Variants in UPF3B observed in about 807,000 individuals in gnomAD.
UPF3B encodes the protein regulator of nonsense transcripts 3B.
UPF3B carries 7 observed loss-of-function variants against 40.3 expected under a neutral mutation model. The ratio of observed to expected loss-of-function variants is 0.17; its 90% CI spans 0.10 to 0.33. The LOEUF (loss-of-function observed/expected upper bound fraction) is 0.33. UPF3B is among the 10% of genes least tolerant of loss of function. The probability of loss-of-function intolerance (pLI) is 1.00; values close to 1 mark genes in which losing one functional copy is unlikely to be tolerated. For missense variants in UPF3B, 229 were observed against 358.9 expected, an observed-to-expected ratio of 0.64 and a Z score of 2.93; for synonymous variants, 117 against 117.3, an observed-to-expected ratio of 1.00 and a Z score of 0.01.
chrX:119,839,244 G>T, intron 8 of UPF3B, among the ~76,000 whole-genome samples: 1 of 112,213 alleles, frequency 8.9e-6, no homozygotes. Flanking sequence ...TACTTGGAAT[G>T]ACAAATACCT....
Position 119,807,053 on chromosome X carries a change from A to AG in UPF3B, c.*11+421_*11+422insC, listed in dbSNP as rs1491467944. On this transcript the variant is annotated intron_variant, in intron 6 of 6. Coordinates refer to the UPF3B transcript ENST00000636792. ...AAAAAAAAAAAAAAAAAAAAAAAAG[A>AG]AAAAAAAAAAAGAAAATTCAACTCG... Among the ~76,000 whole-genome samples, 167 of 79,996 alleles carry AG rather than the reference A, an allele frequency of 2.1e-3. 2 individuals carry two copies. Among genetic ancestry groups the AG allele is most frequent in the African/African-American group, 0.011 (160 of 14,116 alleles). 69.5% of individuals were successfully genotyped at this position (79,996 alleles called of 115,157 possible).
At chrX:119,829,860 G>A (rs754896832), downstream of UPF3B, among the ~76,000 whole-genome samples, 2 of 111,548 alleles carry the variant, frequency 1.8e-5, no homozygotes, top group Non-Finnish European at 3.8e-5. Context: ...AACATGGTTT[G>A]TCTCTTTTAG....
chrX:119,813,573 T>G (rs1026765525), intron 5 of UPF3B, among the ~76,000 whole-genome samples: 6 of 106,822 alleles, frequency 5.6e-5, no homozygotes, highest in African/African-American at 1.7e-4. Context: ...TCTTTTTTTT[T>G]TTTTTTGAGA....
At chrX:119,827,316 C>A (rs750235277) in intron 3 of UPF3B, among the ~76,000 whole-genome samples, 1 of 110,862 alleles carries the variant, frequency 9.0e-6, no homozygotes, top group Admixed American at 9.7e-5. Flanking sequence ...CTAGGTGCTG[C>A]GAGCAAGAGA....
chrX:119,806,793 C>T (rs933092052), intron 6 of UPF3B, among the ~76,000 whole-genome samples: 3 of 109,803 alleles, frequency 2.7e-5, no homozygotes, highest in South Asian at 3.9e-4. Flanking sequence ...TTTGGAAGGC[C>T]GAAGCGGGGG....
At chrX:119,834,003 G>A (rs2056064269), downstream of UPF3B, 2 of 751,308 alleles carry the variant, frequency 2.7e-6, no homozygotes, top group South Asian at 6.8e-5. Flanking sequence ...ATTTAGTAAA[G>A]TTAATAAACA....
chrX:119,850,297 A>G (rs900704741), intron 3 of UPF3B, among the ~76,000 whole-genome samples: 15 of 111,874 alleles, frequency 1.3e-4, no homozygotes, highest in Non-Finnish European at 2.1e-4. Context: ...ATCTCAAAAG[A>G]TAAACAATAA....
chrX:119,831,466 C>G (rs758265454), downstream of UPF3B, among the ~76,000 whole-genome samples: 1 of 110,998 alleles, frequency 9.0e-6, no homozygotes, highest in Non-Finnish European at 1.9e-5. Flanking sequence ...CTACAGGCAC[C>G]TGCCCCGACA....
chrX:119,838,116 T>C (rs1603370115), intron 9 of UPF3B, 65 bp from the exon 10 acceptor site: 1 of 1,177,623 alleles, frequency 8.5e-7, no homozygotes, highest in East Asian at 3.0e-5. Context: ...GCAGGAACAC[T>C]GTGATTCTGA....
intron 4 of UPF3B, among the ~76,000 whole-genome samples, chrX:119,816,377 G>C (rs1603365816): frequency 9.0e-6 from 1 of 111,575 alleles, no homozygotes; most frequent in Non-Finnish European, 1.9e-5. Context: ...ATCATGATCT[G>C]ATTATTGCTA....
intron 7 of UPF3B, 127 bp downstream of exon 7, chrX:119,840,948 CT>C: frequency 2.7e-6 from 2 of 739,682 alleles, no homozygotes; most frequent in Non-Finnish European, 4.0e-6. Context: ...TATTGGATCA[CT>C]TCCCCCCAAA....
At chrX:119,822,693 C>T (rs963873063) in intron 4 of UPF3B, among the ~76,000 whole-genome samples, 11 of 110,990 alleles carry the variant, frequency 9.9e-5, no homozygotes, top group African/African-American at 3.3e-4. Context: ...CTGCAACCTC[C>T]ACCTCCTGAG....
At chrX:119,851,704 T>C in intron 2 of UPF3B, 63 bp downstream of exon 2, 1 of 951,651 alleles carries the variant, frequency 1.1e-6, no homozygotes, top group Non-Finnish European at 1.4e-6. Flanking sequence ...TGAAAAACAG[T>C]AGGATAAAAA....
intron 5 of UPF3B, among the ~76,000 whole-genome samples, chrX:119,810,759 A>G (rs2055822077): frequency 9.0e-6 from 1 of 111,191 alleles, no homozygotes; most frequent in South Asian, 3.8e-4. Flanking sequence ...GTTGGTATTT[A>G]GCTCCTTCCA....
chrX:119,814,859 C>CTTTTTTTTTTTTT (rs140201169), intron 5 of UPF3B, among the ~76,000 whole-genome samples: 13 of 46,259 alleles, frequency 2.8e-4, no homozygotes, highest in East Asian at 9.0e-4. Context: ...TTCTTTCTTT[C>CTTTTTTTTTTTTT]TTTTTTTTTT....
chrX:119,805,598 G>A (rs1365124854), intron 6 of UPF3B, among the ~76,000 whole-genome samples: 1 of 111,301 alleles, frequency 9.0e-6, no homozygotes, highest in African/African-American at 3.3e-5. Context: ...TCTGACGAAG[G>A]GCTAATATCC....
intron 4 of UPF3B, among the ~76,000 whole-genome samples, chrX:119,818,537 G>A (rs915897764): frequency 8.9e-6 from 1 of 111,849 alleles, no homozygotes. Context: ...CCAAGATTGT[G>A]CCACTGGCCT....
At chrX:119,829,165 G>A (rs1044308410), downstream of UPF3B, among the ~76,000 whole-genome samples, 3 of 111,801 alleles carry the variant, frequency 2.7e-5, no homozygotes, top group Non-Finnish European at 5.6e-5. Flanking sequence ...GGGACTACAG[G>A]CGTGCGCCAT....
At chrX:119,813,225 T>A (rs1434947794) in intron 5 of UPF3B, among the ~76,000 whole-genome samples, 1 of 111,103 alleles carries the variant, frequency 9.0e-6, no homozygotes, top group Non-Finnish European at 1.9e-5. Context: ...GTGGATGTAG[T>A]TTGGATATTT....
Sources: gnomAD v4.1 joint callset for allele counts (sites outside exome capture counted in the v4.1 genomes callset) on GRCh38, gnomAD v4.1.1 for gene constraint, MANE v1.5 for transcripts, NCBI Gene and HGNC (gene_info 2026-07-23, HGNC 2026-07-21) for gene names.